Variants in PCDH15 observed in about 807,000 individuals in gnomAD.
The protein encoded by PCDH15 is protocadherin-15.
In PCDH15, 129 loss-of-function variants were observed where a neutral mutation model predicts 178.5. The observed-to-expected ratio is 0.72, with a 90% confidence interval of 0.63 to 0.84. PCDH15 has a LOEUF of 0.84. PCDH15 is among the 40% of genes least tolerant of loss of function. The probability of loss-of-function intolerance (pLI) is 0.00; values close to 1 mark genes in which losing one functional copy is unlikely to be tolerated. For missense variants in PCDH15, 2,230 were observed against 2,099.9 expected (o/e 1.06, Z -1.21); for synonymous variants, 800 against 732.0 (o/e 1.09, Z -1.50).
At chr10:55,022,771 C>T (rs1489927504) in intron 2 of PCDH15, among the ~76,000 whole-genome samples, 11 of 145,188 alleles carry the variant, frequency 7.6e-5, no homozygotes, top group Admixed American at 6.2e-4. Context: ...AGTGCAGTGG[C>T]GCGATCTCGG....
At chr10:55,388,718 A>T (rs890396873) in intron 2 of PCDH15, among the ~76,000 whole-genome samples, 7 of 152,114 alleles carry the variant, frequency 4.6e-5, no homozygotes, top group African/African-American at 1.7e-4. Flanking sequence ...AAATTAAAGA[A>T]ATGGAAGATA....
At chr10:54,610,740 T>C (rs1397559288) in intron 2 of PCDH15, among the ~76,000 whole-genome samples, 2 of 151,824 alleles carry the variant, frequency 1.3e-5, no homozygotes, top group Non-Finnish European at 2.9e-5. Flanking sequence ...AATAGAAGAA[T>C]AAGAGTAGAT....
intron 1 of PCDH15, among the ~76,000 whole-genome samples, chr10:54,683,842 T>G (rs1268576404): frequency 1.3e-5 from 2 of 152,136 alleles, no homozygotes; most frequent in Non-Finnish European, 2.9e-5. Flanking sequence ...TTTTGGGCAG[T>G]TTTCTGAACT....
At chr10:54,409,809 G>T (rs1589258289) in intron 3 of PCDH15, among the ~76,000 whole-genome samples, 1 of 152,060 alleles carries the variant, frequency 6.6e-6, no homozygotes, top group East Asian at 1.9e-4. Flanking sequence ...GAGACTGGTG[G>T]CTTTAGAAGA....
At chr10:55,179,581 C>T (rs1237706409) in intron 1 of PCDH15, among the ~76,000 whole-genome samples, 1 of 151,802 alleles carries the variant, frequency 6.6e-6, no homozygotes, top group East Asian at 1.9e-4. Context: ...AACCTGGACT[C>T]AGCCACAAAG....
chr10:54,312,475 C>G (rs2133528150), intron 8 of PCDH15, among the ~76,000 whole-genome samples: 1 of 152,210 alleles, frequency 6.6e-6, no homozygotes, highest in South Asian at 2.1e-4. Flanking sequence ...CCCCTTGAAA[C>G]TGGCAGAGAT....
At chr10:53,926,194 C>A (rs921252927) in intron 25 of PCDH15, among the ~76,000 whole-genome samples, 3 of 152,112 alleles carry the variant, frequency 2.0e-5, no homozygotes, top group African/African-American at 7.2e-5. Flanking sequence ...TTATCCAATT[C>A]TTTTTAGCAT....
chr10:55,359,253 T>G (rs1034822413), intron 2 of PCDH15, among the ~76,000 whole-genome samples: 75 of 151,808 alleles, frequency 4.9e-4, no homozygotes, highest in African/African-American at 1.6e-3. Context: ...TATACTAAAA[T>G]CCCCTTGTGA....
chr10:53,969,308 A>G (rs1467445365), intron 21 of PCDH15, among the ~76,000 whole-genome samples: 4 of 152,204 alleles, frequency 2.6e-5, no homozygotes, highest in Non-Finnish European at 5.9e-5. Flanking sequence ...AGTTTAGAGA[A>G]AAAAGAATAA....
chr10:54,760,698 G>C (rs922589768), intron 1 of PCDH15, among the ~76,000 whole-genome samples: 10 of 152,106 alleles, frequency 6.6e-5, no homozygotes, highest in Admixed American at 2.0e-4. Flanking sequence ...AACAATTTGA[G>C]ATGTTTAGAA....
At chr10:54,555,910 C>G (rs899604038) in intron 2 of PCDH15, among the ~76,000 whole-genome samples, 5 of 151,914 alleles carry the variant, frequency 3.3e-5, no homozygotes, top group Non-Finnish European at 5.9e-5. Context: ...GGAAGAACAC[C>G]TCACATTTCT....
In PCDH15 at chr10:54,664,189, A is replaced by G; in HGVS notation, c.74T>C (p.Leu25Ser). Residue 25 changes from leucine (L) to serine (S), a missense_variant, in exon 2 of 38, where the codon TTG becomes TCG. Transcript: ENST00000644397. Reference protein sequence around the residue: ...IILGSLFEICLGQYDDDCKLA... With the variant: ...IILGSLFEICSGQYDDDCKLA... ...AACCTTACCATCATCATACTGGCCC[A>G]AGCAGATTTCAAAGAGAGAGCCCAG... The G allele has an allele frequency of 6.2e-7, 1 of 1,612,220 alleles. No homozygotes were observed. Among genetic ancestry groups the G allele is most frequent in the Non-Finnish European group, 8.5e-7 (1 of 1,178,796 alleles).
chr10:54,031,239 G>GT (rs11315261), intron 18 of PCDH15, among the ~76,000 whole-genome samples: 40 of 150,770 alleles, frequency 2.7e-4, no homozygotes, highest in Non-Finnish European at 4.6e-4. Context: ...CCTGATATAG[G>GT]TTTTTTTTTT....
At chr10:54,040,972 A>T (rs1218369340) in intron 18 of PCDH15, among the ~76,000 whole-genome samples, 3 of 152,110 alleles carry the variant, frequency 2.0e-5, no homozygotes, top group Non-Finnish European at 4.4e-5. Flanking sequence ...TCTCACATGA[A>T]TTGAAATAGG....
intron 8 of PCDH15, among the ~76,000 whole-genome samples, chr10:54,268,705 G>A (rs1460974335): frequency 2.0e-5 from 3 of 151,770 alleles, no homozygotes; most frequent in African/African-American, 7.3e-5. Flanking sequence ...CAATAATAAT[G>A]TTCTAGTGAG....
intron 18 of PCDH15, among the ~76,000 whole-genome samples, chr10:54,033,110 A>G (rs902866055): frequency 2.1e-4 from 32 of 152,078 alleles, no homozygotes; most frequent in African/African-American, 7.0e-4. Flanking sequence ...CAGCCAAACC[A>G]TATCAGTCAC....
intron 1 of PCDH15, among the ~76,000 whole-genome samples, chr10:54,672,339 C>T (rs960001080): frequency 1.3e-5 from 2 of 152,010 alleles, no homozygotes; most frequent in Admixed American, 1.3e-4. Context: ...GAAACCAGTC[C>T]CTGGTGCCAC....
chr10:55,007,698 A>G (rs1331567230), intron 2 of PCDH15, among the ~76,000 whole-genome samples: 1 of 152,176 alleles, frequency 6.6e-6, no homozygotes, highest in Non-Finnish European at 1.5e-5. Flanking sequence ...CCTACAGGTC[A>G]TATTTTATTG....
intron 3 of PCDH15, among the ~76,000 whole-genome samples, chr10:54,451,235 CTATT>C (rs2076459778): frequency 1.3e-5 from 2 of 151,814 alleles, no homozygotes; most frequent in Admixed American, 1.3e-4. Flanking sequence ...CACTTGGAAA[CTATT>C]TATAAACTCA....
Sources: gnomAD v4.1 joint callset for allele counts (sites outside exome capture counted in the v4.1 genomes callset) on GRCh38, gnomAD v4.1.1 for gene constraint, MANE v1.5 for transcripts, NCBI Gene and HGNC (gene_info 2026-07-23, HGNC 2026-07-21) for gene names.